Variants in RANBP17 observed in about 807,000 individuals in gnomAD.
The protein encoded by RANBP17 is ran-binding protein 17.
Under a neutral mutation model 141.2 loss-of-function variants are expected in RANBP17, and 158 were observed. The observed-to-expected ratio is 1.12, with a 90% confidence interval of 0.98 to 1.28. RANBP17 has a LOEUF of 1.28. Ranked by LOEUF, RANBP17 falls within the 50% of genes most tolerant of loss-of-function variation. The pLI is 0.00. For synonymous variants in RANBP17, 430 were observed against 450.0 expected (o/e 0.96, Z 0.56); for missense variants, 1,438 against 1,290.7 (o/e 1.11, Z -1.75).
At chr5:171,157,483 G>T (rs1438245388) in intron 14 of RANBP17, among the ~76,000 whole-genome samples, 1 of 152,180 alleles carries the variant, frequency 6.6e-6, no homozygotes, top group African/African-American at 2.4e-5. Context: ...CCACACTGAT[G>T]ATCTGGACTC....
chr5:171,023,767 C>T (rs751234129), intron 14 of RANBP17, among the ~76,000 whole-genome samples: 10 of 152,124 alleles, frequency 6.6e-5, no homozygotes, highest in Admixed American at 3.3e-4. Context: ...ACTCTGAACT[C>T]TTATCTCTGT....
intron 21 of RANBP17, among the ~76,000 whole-genome samples, chr5:171,214,978 C>T (rs983853171): frequency 6.6e-6 from 1 of 151,950 alleles, no homozygotes; most frequent in Non-Finnish European, 1.5e-5. Flanking sequence ...GTTTGCTGCA[C>T]CTATCAACCC....
At chr5:171,075,821 C>T (rs913081486) in intron 14 of RANBP17, among the ~76,000 whole-genome samples, 1 of 152,062 alleles carries the variant, frequency 6.6e-6, no homozygotes, top group Non-Finnish European at 1.5e-5. Context: ...GGCATGGTGA[C>T]ACACACCTGT....
At chr5:171,074,103 A>G (rs79811475) in intron 14 of RANBP17, among the ~76,000 whole-genome samples, 6 of 152,172 alleles carry the variant, frequency 3.9e-5, no homozygotes, top group African/African-American at 1.4e-4. Context: ...AAAAAGGAAT[A>G]ACTTTATAGT....
At chr5:170,919,837 A>G (rs1248598008) in intron 11 of RANBP17, among the ~76,000 whole-genome samples, 4 of 151,162 alleles carry the variant, frequency 2.6e-5, no homozygotes, top group Non-Finnish European at 4.4e-5. Flanking sequence ...CCTCACCCTC[A>G]TCTCTGGCAG....
chr5:170,919,795 T>C (rs1772279390), intron 11 of RANBP17, among the ~76,000 whole-genome samples, 182 bp downstream of exon 11: 1 of 152,120 alleles, frequency 6.6e-6, no homozygotes, highest in South Asian at 2.1e-4. Context: ...ATCCAGATAG[T>C]TCTTTTGGCT....
intron 14 of RANBP17, among the ~76,000 whole-genome samples, chr5:171,010,346 G>T (rs1261907911): frequency 6.6e-6 from 1 of 152,146 alleles, no homozygotes; most frequent in Admixed American, 6.5e-5. Flanking sequence ...AGATCTTCAC[G>T]ATAAAACCAA....
At chr5:171,118,149 A>G (rs945487110) in intron 14 of RANBP17, among the ~76,000 whole-genome samples, 1 of 152,108 alleles carries the variant, frequency 6.6e-6, no homozygotes, top group African/African-American at 2.4e-5. Context: ...TCTTTGATCT[A>G]TTTTGAGTTG....
intron 21 of RANBP17, among the ~76,000 whole-genome samples, chr5:171,217,986 T>G (rs1763320412): frequency 6.6e-6 from 1 of 152,206 alleles, no homozygotes; most frequent in African/African-American, 2.4e-5. Flanking sequence ...GATATTAGGG[T>G]GTCTATTTTA....
chr5:171,290,830 G>C (rs915255722), intron 25 of RANBP17, among the ~76,000 whole-genome samples: 2 of 152,212 alleles, frequency 1.3e-5, no homozygotes, highest in Non-Finnish European at 2.9e-5. Flanking sequence ...CTAGACCTGA[G>C]AGAGTAGCTG....
chr5:171,222,379 C>CAATTCTG (rs1561777767), intron 22 of RANBP17, among the ~76,000 whole-genome samples: 2 of 152,140 alleles, frequency 1.3e-5, no homozygotes, highest in South Asian at 4.1e-4. Flanking sequence ...TAATAATTGC[C>CAATTCTG]AATTCTGACA....
intron 14 of RANBP17, among the ~76,000 whole-genome samples, chr5:170,999,045 C>T (rs1447015106): frequency 6.6e-6 from 1 of 152,070 alleles, no homozygotes; most frequent in Non-Finnish European, 1.5e-5. Context: ...AAATGTGTGA[C>T]TTGCCCACTG....
intron 14 of RANBP17, among the ~76,000 whole-genome samples, chr5:171,045,878 T>A (rs1782549613): frequency 6.6e-6 from 1 of 152,186 alleles, no homozygotes; most frequent in Admixed American, 6.5e-5. Flanking sequence ...ACATCTTCCC[T>A]CTGTCCCTAA....
intron 12 of RANBP17, among the ~76,000 whole-genome samples, chr5:170,933,258 T>G (rs958889603): frequency 1.3e-5 from 2 of 152,182 alleles, no homozygotes; most frequent in African/African-American, 4.8e-5. Flanking sequence ...AGTTGTGATA[T>G]CCCCTTTATC....
chr5:171,187,606 G>T (rs952778788), intron 18 of RANBP17, among the ~76,000 whole-genome samples: 1 of 152,062 alleles, frequency 6.6e-6, no homozygotes, highest in Non-Finnish European at 1.5e-5. Context: ...TAGCATGTAG[G>T]TAATTTTTTC....
intron 5 of RANBP17, chr5:170,897,078 C>T: frequency 1.2e-6 from 1 of 835,848 alleles, no homozygotes; most frequent in Admixed American, 1.8e-5. Flanking sequence ...ATGTGGATAC[C>T]AGCTGTCTTG....
chr5:171,100,548 G>C (rs898306292), intron 14 of RANBP17, among the ~76,000 whole-genome samples: 2 of 152,092 alleles, frequency 1.3e-5, no homozygotes, highest in Admixed American at 6.5e-5. Context: ...CCAAAAACCA[G>C]CTCCTGGATT....
intron 14 of RANBP17, among the ~76,000 whole-genome samples, chr5:171,153,378 T>C (rs1380249718): frequency 6.6e-6 from 1 of 152,338 alleles, no homozygotes; most frequent in East Asian, 1.9e-4. Context: ...CTTTTTTTTG[T>C]TTCATTTATT....
chr5:171,291,908 C>G (rs1327689426), intron 25 of RANBP17, among the ~76,000 whole-genome samples: 1 of 152,166 alleles, frequency 6.6e-6, no homozygotes, highest in African/African-American at 2.4e-5. Context: ...GACATAAATA[C>G]ATGCATTCAG....
Sources: allele counts gnomAD v4.1 joint callset (sites outside exome capture counted in the v4.1 genomes callset), GRCh38; gene constraint gnomAD v4.1.1; transcripts MANE v1.5; gene names NCBI Gene and HGNC (gene_info 2026-07-23, HGNC 2026-07-21).